CDC73: variants seen among roughly 807,000 people sequenced by gnomAD.
CDC73 encodes the protein parafibromin.
In CDC73, 21 loss-of-function variants were observed where a neutral mutation model predicts 83.7. That is an observed-to-expected ratio of 0.25 (90% CI 0.18 to 0.36). CDC73 has a LOEUF of 0.36. Among genes scored for constraint, CDC73 ranks in the 10% least tolerant of loss-of-function variants. CDC73 has a pLI of 1.00. For missense variants in CDC73, 342 were observed against 653.3 expected, an observed-to-expected ratio of 0.52 and a Z score of 5.19; for synonymous variants, 224 against 212.9, an observed-to-expected ratio of 1.05 and a Z score of -0.45.
intron 2 of CDC73, among the ~76,000 whole-genome samples, chr1:193,127,316 T>A (rs916724477): frequency 1.3e-5 from 2 of 150,046 alleles, no homozygotes; most frequent in Non-Finnish European, 3.0e-5. Flanking sequence ...TGTGTGTGTG[T>A]GATTATAGCA....
chr1:193,249,037 A>G (rs553451051), intron 15 of CDC73, among the ~76,000 whole-genome samples: 1 of 152,214 alleles, frequency 6.6e-6, no homozygotes, highest in South Asian at 2.1e-4. Flanking sequence ...ATGCTGTCAA[A>G]TATTATCACA....
chr1:193,162,248 A>ATATATAG (rs1676344058), intron 10 of CDC73, among the ~76,000 whole-genome samples: 1 of 72,272 alleles, frequency 1.4e-5, no homozygotes, highest in Non-Finnish European at 2.8e-5. Context: ...ATAATATATA[A>ATATATAG]TAAATATAGT....
intron 15 of CDC73, among the ~76,000 whole-genome samples, chr1:193,249,433 T>C (rs1166472316): frequency 6.6e-6 from 1 of 151,970 alleles, no homozygotes; most frequent in Non-Finnish European, 1.5e-5. Context: ...ATTGCGGTGG[T>C]CTGGAACTGA....
Position 193,249,764 on chromosome 1 carries a change from T to C in CDC73, c.1452T>C (p.Arg484=). 6.2e-7 allele frequency: 1 copy of C among 1,610,270 alleles called. No homozygotes were observed. The highest frequency in any genetic ancestry group is 8.5e-7 in the Non-Finnish European group (1 of 1,176,774). Residue 484 remains arginine, a synonymous_variant, in exon 16 of 17, where the codon CGT becomes CGC. Transcript: ENST00000367435. ...KAFHLKYDEV[R]LDPNVQKWDV... ...TCCATCTGAAGTATGATGAAGTTCG[T>C]CTGGATCCAAATGTTCAGAAATGGG...
chr1:193,181,826 A>G (rs1290576801), intron 10 of CDC73: 5 of 390,062 alleles, frequency 1.3e-5, no homozygotes, highest in Non-Finnish European at 2.3e-5. Flanking sequence ...TTGGCAACAT[A>G]ACATCACTGA....
At chr1:193,209,881 CCCT>C (rs1677247562) in intron 11 of CDC73, among the ~76,000 whole-genome samples, 1 of 152,032 alleles carries the variant, frequency 6.6e-6, no homozygotes, top group Non-Finnish European at 1.5e-5. Context: ...TTCCTCTCCC[CCCT>C]CTCTGCCTTC....
At chr1:193,162,140 ATATTATATAT>A (rs1486300512) in intron 10 of CDC73, among the ~76,000 whole-genome samples, 2 of 104,536 alleles carry the variant, frequency 1.9e-5, no homozygotes, top group African/African-American at 7.8e-5. Context: ...TATATAATAT[ATATTATATAT>A]TATCTATTAT....
intron 13 of CDC73, among the ~76,000 whole-genome samples, chr1:193,215,848 C>G (rs994795032): frequency 5.3e-5 from 8 of 152,086 alleles, no homozygotes; most frequent in African/African-American, 1.7e-4. Flanking sequence ...CCTTGGCCTC[C>G]CGAAGGGCTG....
rs1422746796 is a variant in CDC73 at position 193,125,153 on chromosome 1, A to T, written c.173A>T (p.Asp58Val). 1 of 1,610,790 alleles carries T rather than the reference A, an allele frequency of 6.2e-7. No individual in the cohort carries two copies. ...EGQPREYYTL[D>V]SILFLLNNVH... Reference sequence around the variant, plus strand: ...CAACCCAGAGAGTACTACACATTGGATTCCATTTTATTTCTACTTAATAAC... The same window carrying T: ...CAACCCAGAGAGTACTACACATTGGTTTCCATTTTATTTCTACTTAATAAC... Residue 58 changes from aspartate to valine, a missense_variant, in exon 2 of 17, where the codon GAT becomes GTT. Asp to Val is a radical substitution (Grantham distance 152, BLOSUM62 -3). Transcript: ENST00000367435.
chr1:193,131,379 A>G (rs1185644659), intron 3 of CDC73, among the ~76,000 whole-genome samples: 1 of 152,192 alleles, frequency 6.6e-6, no homozygotes, highest in African/African-American at 2.4e-5. Context: ...TAAAAGTATG[A>G]CAACTTCTTA....
intron 7 of CDC73, among the ~76,000 whole-genome samples, chr1:193,145,233 A>T (rs1041486657): frequency 1.3e-5 from 2 of 152,210 alleles, no homozygotes; most frequent in African/African-American, 2.4e-5. Flanking sequence ...CAAAAAGTTT[A>T]TGGATGTGGT....
intron 15 of CDC73, among the ~76,000 whole-genome samples, chr1:193,247,392 C>A (rs1158428970): frequency 6.6e-6 from 1 of 152,024 alleles, no homozygotes; most frequent in Non-Finnish European, 1.5e-5. Context: ...ATCTCTCTCT[C>A]TCTCTCTCTT....
At chr1:193,205,208 C>CCTT (rs145197340) in intron 11 of CDC73, among the ~76,000 whole-genome samples, 5 of 82,518 alleles carry the variant, frequency 6.1e-5, no homozygotes, top group African/African-American at 2.6e-4. Flanking sequence ...CCCCCCCCCC[C>CCTT]TTTTTTTTTA....
chr1:193,168,793 G>A (rs1558296242), intron 10 of CDC73, among the ~76,000 whole-genome samples: 1 of 152,170 alleles, frequency 6.6e-6, no homozygotes, highest in East Asian at 1.9e-4. Context: ...CCAAAGTGCT[G>A]GGATTACACG....
intron 13 of CDC73, among the ~76,000 whole-genome samples, chr1:193,215,121 C>T (rs1677342940): frequency 1.3e-5 from 2 of 152,108 alleles, no homozygotes; most frequent in Non-Finnish European, 2.9e-5. Flanking sequence ...TCTTTTGACT[C>T]TCTGCAAACT....
At chr1:193,246,049 T>C (rs1677948208) in intron 15 of CDC73, among the ~76,000 whole-genome samples, 1 of 152,192 alleles carries the variant, frequency 6.6e-6, no homozygotes, top group Admixed American at 6.5e-5. Context: ...GATGAGTAAT[T>C]TGCAGATATT....
intron 13 of CDC73, among the ~76,000 whole-genome samples, chr1:193,215,363 A>G (rs1429644068): frequency 1.3e-5 from 2 of 152,130 alleles, no homozygotes; most frequent in Non-Finnish European, 2.9e-5. Context: ...AAAAATACTG[A>G]TATATAAAAG....
intron 1 of CDC73, 140 bp downstream of exon 1, chr1:193,122,471 G>C (rs1400620638): frequency 2.7e-6 from 3 of 1,132,002 alleles, no homozygotes; most frequent in Non-Finnish European, 3.9e-6. Flanking sequence ...TTTCTCTCTA[G>C]AGCAGAAGTT....
chr1:193,172,716 T>C (rs1174924941), intron 10 of CDC73, among the ~76,000 whole-genome samples: 1 of 152,138 alleles, frequency 6.6e-6, no homozygotes, highest in South Asian at 2.1e-4. Context: ...GCATCCTTTT[T>C]CCCTCTTCCT....
Sources: allele counts gnomAD v4.1 joint callset (sites outside exome capture counted in the v4.1 genomes callset), GRCh38; gene constraint gnomAD v4.1.1; transcripts MANE v1.5; gene names NCBI Gene and HGNC (gene_info 2026-07-23, HGNC 2026-07-21).